SEM1: variants seen among roughly 807,000 people sequenced by gnomAD.
SEM1 encodes the protein SEM1 26S proteasome subunit, also known as 26S proteasome complex subunit SEM1.
SEM1 carries 3 observed loss-of-function variants against 12.7 expected under a neutral mutation model. The observed-to-expected ratio is 0.24, with a 90% CI of 0.11 to 0.61. The LOEUF (loss-of-function observed/expected upper bound fraction) is 0.61, where lower values mean the gene tolerates loss of function less well. Ranked by LOEUF, SEM1 falls within the 20% of genes least tolerant of loss-of-function variation. The probability of loss-of-function intolerance (pLI) is 0.88; values close to 1 mark genes in which losing one functional copy is unlikely to be tolerated. For missense variants in SEM1, 59 were observed against 81.3 expected (o/e 0.73, Z 1.06); for synonymous variants, 30 against 27.8 (o/e 1.08, Z -0.25).
chr7:96,700,253 T>G (rs1397330721), intron 1 of SEM1, among the ~76,000 whole-genome samples: 2 of 152,058 alleles, frequency 1.3e-5, no homozygotes, highest in African/African-American at 4.8e-5. Flanking sequence ...GAGAGGTGAG[T>G]AGAGAAACAT....
At chr7:96,704,873 C>T (rs1187348952) in intron 1 of SEM1, among the ~76,000 whole-genome samples, 1 of 152,190 alleles carries the variant, frequency 6.6e-6, no homozygotes, top group Non-Finnish European at 1.5e-5. Context: ...ATATGCTGTT[C>T]ACATAAATAT....
In SEM1 at chr7:96,504,676, C is replaced by T. The variant is rs1314695801; in HGVS notation, c.*60+1947G>A. ...ACAGTACCATTTTCAAACCTAAAAA[C>T]ATCGAGCAATTCCTCATATCATCAT... On this transcript the variant is annotated intron_variant and NMD_transcript_variant, in intron 3 of 3. Transcript: ENST00000466986. Among the ~76,000 whole-genome samples, 4 of 152,158 alleles carry T rather than the reference C, an allele frequency of 2.6e-5. No homozygotes were observed. The East Asian group carries it at 7.8e-4, about 29-fold the overall frequency.
chr7:96,549,415 G>A (rs987568938), intron 2 of SEM1, among the ~76,000 whole-genome samples: 3 of 152,168 alleles, frequency 2.0e-5, no homozygotes, highest in Non-Finnish European at 4.4e-5. Context: ...ATCCAATCAA[G>A]AATGTCCAAT....
chr7:96,683,367 T>C (rs1333597480), intron 2 of SEM1, among the ~76,000 whole-genome samples: 1 of 151,622 alleles, frequency 6.6e-6, no homozygotes, highest in African/African-American at 2.4e-5. Context: ...TGATGATCAC[T>C]AAAAAGTCAG....
downstream of SEM1, among the ~76,000 whole-genome samples, chr7:96,618,852 G>A (rs1807798454): frequency 1.3e-5 from 2 of 152,150 alleles, no homozygotes; most frequent in Admixed American, 1.3e-4. Context: ...CCAGGAGGCT[G>A]AAGTGGGAGG....
intron 1 of SEM1, 40 bp from the exon 2 acceptor site, chr7:96,694,931 C>T (rs745624199): frequency 5.0e-5 from 71 of 1,420,000 alleles, no homozygotes; most frequent in Non-Finnish European, 6.9e-5. Flanking sequence ...ATTTCTCATA[C>T]ATTATTTCCA....
At chr7:96,571,430 A>G (rs1031127557) in intron 2 of SEM1, among the ~76,000 whole-genome samples, 13 of 152,006 alleles carry the variant, frequency 8.6e-5, no homozygotes, top group Non-Finnish European at 1.9e-4. Flanking sequence ...ACGGCTAGCC[A>G]GTTTTCATAA....
At chr7:96,638,649 C>A (rs1189858772) in intron 2 of SEM1, among the ~76,000 whole-genome samples, 1 of 151,676 alleles carries the variant, frequency 6.6e-6, no homozygotes, top group Non-Finnish European at 1.5e-5. Flanking sequence ...CTCAACAATC[C>A]ATTATTATTT....
intron 1 of SEM1, among the ~76,000 whole-genome samples, chr7:96,489,777 T>C (rs1198369365): frequency 6.6e-6 from 1 of 152,178 alleles, no homozygotes; most frequent in Admixed American, 6.5e-5. Context: ...TGTAATTGTA[T>C]CACTCTAGTC....
At chr7:96,655,065 C>T (rs1158217087) in intron 2 of SEM1, among the ~76,000 whole-genome samples, 1 of 152,166 alleles carries the variant, frequency 6.6e-6, no homozygotes, top group Admixed American at 6.5e-5. Context: ...TGAAGCTCTG[C>T]AGGAAGCCAA....
intron 2 of SEM1, among the ~76,000 whole-genome samples, chr7:96,609,492 A>C (rs893548652): frequency 2.0e-5 from 3 of 152,232 alleles, no homozygotes; most frequent in African/African-American, 7.2e-5. Flanking sequence ...CATTTTATCG[A>C]GATTTAAGAT....
At chr7:96,588,426 GTA>G (rs1252744797) in intron 2 of SEM1, among the ~76,000 whole-genome samples, 1 of 145,378 alleles carries the variant, frequency 6.9e-6, no homozygotes, top group East Asian at 2.0e-4. Context: ...GAGAAGAAAG[GTA>G]TATCATTTTG....
chr7:96,613,099 C>G (rs1267891631), intron 2 of SEM1, among the ~76,000 whole-genome samples: 1 of 152,014 alleles, frequency 6.6e-6, no homozygotes. Context: ...AATGGAAAAC[C>G]ATGCATTGTC....
At chr7:96,601,337 A>G (rs1807193693) in intron 2 of SEM1, among the ~76,000 whole-genome samples, 1 of 152,176 alleles carries the variant, frequency 6.6e-6, no homozygotes, top group Admixed American at 6.5e-5. Flanking sequence ...AGTGCTAAGA[A>G]AAAAAGTCAA....
chr7:96,533,383 C>T (rs1804697293), intron 2 of SEM1, among the ~76,000 whole-genome samples: 1 of 152,192 alleles, frequency 6.6e-6, no homozygotes, highest in African/African-American at 2.4e-5. Flanking sequence ...TTACCTGCTA[C>T]TACCTTCTAG....
At chr7:96,579,096 A>T (rs1806299585) in intron 2 of SEM1, among the ~76,000 whole-genome samples, 1 of 152,212 alleles carries the variant, frequency 6.6e-6, no homozygotes, top group South Asian at 2.1e-4. Flanking sequence ...GGCAAAGAAT[A>T]CAGTACAGTT....
chr7:96,575,336 G>T (rs778427578), intron 2 of SEM1, among the ~76,000 whole-genome samples: 14 of 152,130 alleles, frequency 9.2e-5, no homozygotes, highest in Non-Finnish European at 1.8e-4. Flanking sequence ...CCTTCCTCTG[G>T]AGGCTTTGTC....
At chr7:96,592,305 TG>T (rs1431189040) in intron 2 of SEM1, among the ~76,000 whole-genome samples, 3 of 151,886 alleles carry the variant, frequency 2.0e-5, no homozygotes, top group African/African-American at 7.3e-5. Flanking sequence ...TTTTTCAGCT[TG>T]TGATTTGATC....
intron 2 of SEM1, among the ~76,000 whole-genome samples, chr7:96,639,561 C>A (rs1808527804): frequency 6.6e-6 from 1 of 151,840 alleles, no homozygotes; most frequent in African/African-American, 2.4e-5. Context: ...ACCTTACAAC[C>A]TTCACAAAAC....
Sources: allele counts gnomAD v4.1 joint callset (sites outside exome capture counted in the v4.1 genomes callset), GRCh38; gene constraint gnomAD v4.1.1; transcripts MANE v1.5; gene names NCBI Gene and HGNC (gene_info 2026-07-23, HGNC 2026-07-21).